Variants in ACOT1 observed in about 807,000 individuals in gnomAD.
ACOT1 encodes acyl-CoA thioesterase 1.
ACOT1 carries 8 observed loss-of-function variants against 15.7 expected under a neutral mutation model. The observed-to-expected ratio is 0.51, with a 90% CI of 0.30 to 0.92. The LOEUF is 0.92. ACOT1 is among the 40% of genes least tolerant of loss of function. The pLI, the probability that ACOT1 is intolerant of heterozygous loss-of-function variation, is 0.06. For synonymous variants in ACOT1, 67 were observed against 241.2 expected, an observed-to-expected ratio of 0.28 and a Z score of 6.69; for missense variants, 151 against 539.4, an observed-to-expected ratio of 0.28 and a Z score of 7.13.
the ACOT1 span, among the ~76,000 whole-genome samples, chr14:73,501,559 GTC>G: frequency 7.0e-6 from 1 of 141,872 alleles, no homozygotes; most frequent in Admixed American, 7.0e-5. Context: ...CTCCTATGCA[GTC>G]TCTCTCTCTT....
chr14:73,519,626 G>T, the ACOT1 span, among the ~76,000 whole-genome samples: 57 of 152,322 alleles, frequency 3.7e-4, no homozygotes, highest in African/African-American at 1.3e-3. Context: ...GGGAGGCTGA[G>T]GCAGGAGAAT....
the ACOT1 span, among the ~76,000 whole-genome samples, chr14:73,524,310 A>AAAATATATATATAT: frequency 7.3e-5 from 4 of 54,776 alleles, no homozygotes; most frequent in South Asian, 7.9e-4. Flanking sequence ...AAAAAAAAAA[A>AAAATATATATATAT]ATATATATAT....
chr14:73,535,872 A>G (rs1481074396), upstream of ACOT1, among the ~76,000 whole-genome samples: 1 of 116,168 alleles, frequency 8.6e-6, no homozygotes, highest in Non-Finnish European at 1.9e-5. Context: ...GTAAACTGGG[A>G]TTATAGGCGT....
chr14:73,523,155 C>G, the ACOT1 span: 1 of 1,579,914 alleles, frequency 6.3e-7, no homozygotes, highest in African/African-American at 1.3e-5. Context: ...CTGGTCATAC[C>G]GCGTCCCAGC....
At chr14:73,508,119 G>A in the ACOT1 span, 14 of 1,612,420 alleles carry the variant, frequency 8.7e-6, no homozygotes, top group Non-Finnish European at 1.2e-5. Context: ...GTCTGACCCG[G>A]TAATGGACAC....
the ACOT1 span, among the ~76,000 whole-genome samples, chr14:73,515,553 G>A: frequency 6.6e-5 from 10 of 151,518 alleles, no homozygotes; most frequent in South Asian, 2.1e-4. Flanking sequence ...GGTGGTGGGC[G>A]CCTGTAATCC....
chr14:73,535,469 C>CTTTTT (rs869167008), upstream of ACOT1, among the ~76,000 whole-genome samples: 22 of 16,520 alleles, frequency 1.3e-3, no homozygotes, highest in Admixed American at 3.1e-3. Context: ...TTTCTTCTTT[C>CTTTTT]TTTTTTTTTT....
chr14:73,538,924 C>T (rs1434632499), intron 1 of ACOT1, among the ~76,000 whole-genome samples: 1 of 114,006 alleles, frequency 8.8e-6, no homozygotes, highest in Non-Finnish European at 1.9e-5. Context: ...GCCGAGATCA[C>T]GCCATTGTAC....
chr14:73,543,172 T>G lies in ACOT1; in HGVS notation c.783T>G (p.Val261=). 3 of 1,605,382 alleles carry G rather than the reference T, an allele frequency of 1.9e-6. No homozygotes were observed. The highest frequency in any genetic ancestry group is 2.2e-5 in the South Asian group (2 of 90,506). Residue 261 remains valine, a synonymous_variant, in exon 3 of 3, where the codon GTT becomes GTG. Coordinates refer to ENST00000311148, the MANE Select transcript of ACOT1 (RefSeq NM_001037161.2). ...TCATCAACGGCTCTGTGGCCAATGTTGGGGGAACCTTACGCTACAAGGGCG... is the reference window on the plus strand; with the variant it reads ...TCATCAACGGCTCTGTGGCCAATGTGGGGGGAACCTTACGCTACAAGGGCG... ...AVVINGSVAN[V]GGTLRYKGET... is the part of the protein sequence containing the mutation.
chr14:73,506,815 T>G, the ACOT1 span, among the ~76,000 whole-genome samples: 2 of 135,532 alleles, frequency 1.5e-5, no homozygotes, highest in African/African-American at 6.4e-5. Flanking sequence ...TTTTTTTTTT[T>G]TTTTTTTTTT....
chr14:73,496,678 C>A, the ACOT1 span: 1 of 1,553,516 alleles, frequency 6.4e-7, no homozygotes, highest in Non-Finnish European at 8.9e-7. Context: ...TGGTACATTT[C>A]TCTGAAAGAT....
chr14:73,506,804 G>GGTTTT, the ACOT1 span, among the ~76,000 whole-genome samples: 1 of 80,522 alleles, frequency 1.2e-5, no homozygotes, highest in African/African-American at 4.9e-5. Context: ...GACTTTAACT[G>GGTTTT]TTTTTTTTTT....
chr14:73,495,236 G>GT, the ACOT1 span: 1 of 1,613,276 alleles, frequency 6.2e-7, no homozygotes, highest in Non-Finnish European at 8.5e-7. Context: ...ACCCTGAAAA[G>GT]TTTCTTGGAG....
At chr14:73,492,034 C>T in the ACOT1 span, 6 of 1,614,024 alleles carry the variant, frequency 3.7e-6, no homozygotes, top group Non-Finnish European at 5.1e-6. The surrounding 1 kb of genome is among the most constrained non-coding windows in gnomAD (Gnocchi z 4.9). Flanking sequence ...GCTTTGCCCC[C>T]CACTACGACG....
chr14:73,538,703 C>T (rs1357879298), intron 1 of ACOT1, among the ~76,000 whole-genome samples: 1 of 111,356 alleles, frequency 9.0e-6, no homozygotes, highest in African/African-American at 2.9e-5. Context: ...ACAGGCCGGA[C>T]GCGGTGGCTA....
the ACOT1 span, chr14:73,523,357 A>T: frequency 1.8e-6 from 1 of 553,776 alleles, no homozygotes; most frequent in East Asian, 2.9e-5. Flanking sequence ...AGTTAGAAGA[A>T]CAAAAGAAGA....
At chr14:73,491,000 G>A in the ACOT1 span, 1 of 1,377,908 alleles carries the variant, frequency 7.3e-7, no homozygotes, top group South Asian at 1.8e-5. Context: ...GGGCGGGGAA[G>A]ACTGGTGTGG....
chr14:73,531,489 T>C, the ACOT1 span, among the ~76,000 whole-genome samples: 3 of 105,196 alleles, frequency 2.9e-5, no homozygotes, highest in East Asian at 8.0e-4. Flanking sequence ...GGTGTGATCT[T>C]GGCTCACTGC....
chr14:73,522,196 G>A, the ACOT1 span: 1 of 1,451,960 alleles, frequency 6.9e-7, no homozygotes, highest in South Asian at 1.3e-5. Flanking sequence ...GAAATCGGGA[G>A]TGTGAGTCCA....
Sources: allele counts gnomAD v4.1 joint callset (sites outside exome capture counted in the v4.1 genomes callset), GRCh38; gene constraint gnomAD v4.1.1; non-coding constraint Gnocchi (gnomAD v3.1); transcripts MANE v1.5; gene names NCBI Gene and HGNC (gene_info 2026-07-23, HGNC 2026-07-21).